Variants in LCOR observed in about 807,000 individuals in gnomAD.
The protein encoded by LCOR is ligand dependent nuclear receptor corepressor.
A neutral mutation model predicts 64.4 loss-of-function variants in LCOR; 14 were observed. The ratio of observed to expected loss-of-function variants is 0.22; its 90% CI spans 0.14 to 0.34. The LOEUF (loss-of-function observed/expected upper bound fraction) is 0.34, where lower values mean the gene tolerates loss of function less well. Ranked by LOEUF, LCOR falls within the 10% of genes least tolerant of loss-of-function variation. The pLI is 1.00. For synonymous variants in LCOR, 643 were observed against 642.5 expected (o/e 1.00, Z -0.01); for missense variants, 1,686 against 1,765.3 (o/e 0.96, Z 0.80).
intron 4 of LCOR, among the ~76,000 whole-genome samples, chr10:96,913,582 G>C (rs1280699486): frequency 6.6e-6 from 1 of 152,176 alleles, no homozygotes; most frequent in Non-Finnish European, 1.5e-5. Context: ...TAAGACTAAA[G>C]TAAGTTTAGT....
chr10:96,983,859 G>A lies in LCOR; in HGVS notation c.3399G>A (p.Gln1133=). The change falls in exon 8 of 8, where the codon CAG becomes CAA. Residue 1133 remains glutamine, a synonymous_variant. Transcript: ENST00000421806. This position sits in a 1 kb window ranked among gnomAD's most constrained non-coding sequence, Gnocchi z 4.5. The part of the protein sequence containing the change: ...KGWIQLEKEG[Q]PTPRARNKSD... The stretch of plus-strand genomic sequence containing the variant: ...GGATCCAGTTGGAGAAAGAAGGACA[G>A]CCAACACCAAGAGCAAGGAACAAAT... The A allele has an allele frequency of 6.2e-7, 1 of 1,614,162 alleles. No individual in the cohort carries two copies. The highest frequency in any genetic ancestry group is 8.5e-7 in the Non-Finnish European group (1 of 1,180,036).
rs1384975025 is a variant in LCOR at position 96,991,888 on chromosome 10, GC to G, written c.*6757del. ...GACAGTCCCCCACTTCCCCAGTGTGGCCCTGAACACAAATTTGTCACATTGG... is the reference window on the plus strand; with the variant it reads ...GACAGTCCCCCACTTCCCCAGTGTGGCCTGAACACAAATTTGTCACATTGG... On this transcript the variant is annotated 3_prime_UTR_variant, in exon 8 of 8. Coordinates refer to ENST00000421806, the MANE Select transcript of LCOR (RefSeq NM_001346516.2). 1.3e-5 allele frequency: 2 copies of G among 152,100 alleles called. No homozygotes were observed. The highest frequency in any genetic ancestry group is 4.8e-5 in the African/African-American group (2 of 41,396). 9.4% of individuals were successfully genotyped at this position (152,100 alleles called of 1,614,324 possible). A position where few individuals can be genotyped will look rare whatever the true frequency, so the allele number is the denominator to read the frequency against.
chr10:96,856,315 C>T (rs1400675829), intron 2 of LCOR, among the ~76,000 whole-genome samples: 2 of 152,204 alleles, frequency 1.3e-5, no homozygotes, highest in African/African-American at 4.8e-5. Flanking sequence ...GCCCACTTGG[C>T]CTCCCAAAGT....
chr10:96,933,700 A>G (rs1400268674), intron 4 of LCOR, among the ~76,000 whole-genome samples: 1 of 152,096 alleles, frequency 6.6e-6, no homozygotes, highest in Non-Finnish European at 1.5e-5. Context: ...TTGTATTTTT[A>G]GTAGAGATGG....
intron 7 of LCOR, among the ~76,000 whole-genome samples, chr10:96,968,062 A>T (rs1402150302): frequency 6.6e-6 from 1 of 152,104 alleles, no homozygotes; most frequent in Non-Finnish European, 1.5e-5. Flanking sequence ...TGGGTTTTTT[A>T]TTATGGTTAA....
At chr10:96,955,888 C>T in intron 7 of LCOR, 2 of 1,613,832 alleles carry the variant, frequency 1.2e-6, no homozygotes, top group Non-Finnish European at 1.7e-6. Flanking sequence ...CAGGGAGAGG[C>T]AGCACAAAGT....
At chr10:96,937,434 A>G (rs1050249252) in intron 4 of LCOR, among the ~76,000 whole-genome samples, 2 of 152,236 alleles carry the variant, frequency 1.3e-5, no homozygotes, top group Non-Finnish European at 2.9e-5. Context: ...ACTTAGAACA[A>G]GTATTGAGAT....
chr10:96,918,647 A>C (rs962353561), intron 4 of LCOR, among the ~76,000 whole-genome samples: 5 of 152,242 alleles, frequency 3.3e-5, no homozygotes, highest in Admixed American at 1.3e-4. Context: ...CAAGATTGTA[A>C]GAGAACCAAC....
chr10:96,900,123 T>C (rs1363151801), intron 2 of LCOR, among the ~76,000 whole-genome samples: 2 of 152,182 alleles, frequency 1.3e-5, no homozygotes, highest in African/African-American at 4.8e-5. Flanking sequence ...ATGTACTTTC[T>C]TCTATCTATA....
chr10:96,956,134 C>T lies in LCOR; in HGVS notation c.332+3938C>T, dbSNP rs1029420629. The T allele has an allele frequency of 2.9e-6, 4 of 1,369,368 alleles. No individual in the cohort carries two copies. The African/African-American group carries it at 5.8e-5, about 20-fold the overall frequency. The allele number at this position is 1,369,368 out of a possible 1,614,324, so 84.8% of individuals were successfully genotyped here. A position where few individuals can be genotyped will look rare whatever the true frequency, so the allele number is the denominator to read the frequency against. ...CAGTATGGCTCGGAATATGTTTGGCCTTTTGCATGTTTCTCTACAAAAGAG... is the reference window on the plus strand; with the variant it reads ...CAGTATGGCTCGGAATATGTTTGGCTTTTTGCATGTTTCTCTACAAAAGAG... On this transcript the variant is annotated intron_variant, in intron 7 of 7. Coordinates refer to ENST00000421806, the MANE Select transcript of LCOR (RefSeq NM_001346516.2).
Position 96,983,111 on chromosome 10 carries a change from A to G in LCOR, c.2651A>G (p.Glu884Gly). The G allele has an allele frequency of 1.2e-6, 2 of 1,613,588 alleles. No individual in the cohort carries two copies. The highest frequency in any genetic ancestry group is 1.7e-6 in the Non-Finnish European group (2 of 1,179,642). ...SFHTETLEDT[E>G]KPSVNERPSE... ...CACACGGAAACTCTGGAGGACACAG[A>G]AAAGCCAAGTGTCAATGAACGCCCC... is the stretch of plus-strand genomic sequence containing the variant. The change falls in exon 8 of 8, where the codon GAA becomes GGA. Residue 884 changes from glutamate (E) to glycine (G), a missense_variant. Transcript: ENST00000421806. This position sits in a 1 kb window ranked among gnomAD's most constrained non-coding sequence, Gnocchi z 4.5.
chr10:96,961,999 G>A (rs1564640367), intron 7 of LCOR: 2 of 151,692 alleles, frequency 1.3e-5, no homozygotes, highest in Non-Finnish European at 2.9e-5. Context: ...GGATAATTCA[G>A]CACTTTTTCT....
At chr10:96,944,637 A>G (rs1186473888) in intron 5 of LCOR, among the ~76,000 whole-genome samples, 1 of 149,536 alleles carries the variant, frequency 6.7e-6, no homozygotes, top group Non-Finnish European at 1.5e-5. Context: ...TTTCATTTGG[A>G]GAGAAAATGT....
intron 2 of LCOR, among the ~76,000 whole-genome samples, chr10:96,853,771 T>G (rs959672724): frequency 6.6e-6 from 1 of 152,214 alleles, no homozygotes; most frequent in East Asian, 1.9e-4. Context: ...CTGGGTAATT[T>G]ATAAAGAAAA....
intron 2 of LCOR, among the ~76,000 whole-genome samples, chr10:96,835,983 T>C (rs1016056855): frequency 6.6e-5 from 10 of 152,218 alleles, no homozygotes; most frequent in African/African-American, 1.2e-4. Flanking sequence ...GCGCCTGATA[T>C]GATGTAACCT....
At chr10:96,927,011 T>C (rs1379868887) in intron 4 of LCOR, among the ~76,000 whole-genome samples, 3 of 152,132 alleles carry the variant, frequency 2.0e-5, no homozygotes, top group Admixed American at 2.0e-4. Context: ...GGACATATTG[T>C]TTGATTTCTT....
chr10:96,885,561 T>A (rs1846329027), intron 2 of LCOR, among the ~76,000 whole-genome samples: 1 of 148,200 alleles, frequency 6.7e-6, no homozygotes, highest in Non-Finnish European at 1.5e-5. Flanking sequence ...GAATTTTTTT[T>A]TTTTTTTTTT....
In LCOR at chr10:96,985,037, C is replaced by T. The variant is rs769556518; in HGVS notation, c.4577C>T (p.Thr1526Met). Reference sequence around the variant, plus strand: ...GGAAAGACTCGGGCCAGACCCTCAACGAAAACCCCAGAGAGCAGTGCAGCT... The same window carrying T: ...GGAAAGACTCGGGCCAGACCCTCAATGAAAACCCCAGAGAGCAGTGCAGCT... Reference protein sequence around the residue: ...SSGKTRARPSTKTPESSAAQR... With the variant: ...SSGKTRARPSMKTPESSAAQR... Residue 1526 changes from threonine to methionine, a missense_variant, in exon 8 of 8, where the codon ACG becomes ATG. Transcript: ENST00000421806. The T allele has an allele frequency of 3.9e-5, 63 of 1,614,058 alleles. No homozygotes were observed. The highest frequency in any genetic ancestry group is 9.3e-5 in the African/African-American group (7 of 74,926).
chr10:96,841,851 C>T (rs1421941776), intron 2 of LCOR, among the ~76,000 whole-genome samples: 1 of 151,760 alleles, frequency 6.6e-6, no homozygotes, highest in Admixed American at 6.6e-5. Context: ...CCTCCCACCT[C>T]AACGTCCCAA....
Sources: gnomAD v4.1 joint callset for allele counts (sites outside exome capture counted in the v4.1 genomes callset) on GRCh38, gnomAD v4.1.1 for gene constraint, Gnocchi (gnomAD v3.1) non-coding constraint, MANE v1.5 for transcripts, NCBI Gene and HGNC (gene_info 2026-07-23, HGNC 2026-07-21) for gene names.